Variants in UNKL observed in about 807,000 individuals in gnomAD.
The protein encoded by UNKL is unk like zinc finger.
In UNKL, 60 loss-of-function variants were observed where a neutral mutation model predicts 78.0. That is an observed-to-expected ratio of 0.77 (90% CI 0.63 to 0.95). UNKL has a LOEUF of 0.95. Ranked by LOEUF, UNKL falls within the 40% of genes least tolerant of loss-of-function variation. The pLI is 0.00. For synonymous variants in UNKL, 608 were observed against 474.8 expected, an observed-to-expected ratio of 1.28 and a Z score of -3.65; for missense variants, 1,159 against 1,045.7, an observed-to-expected ratio of 1.11 and a Z score of -1.49.
intron 9 of UNKL, 32 bp from the exon 10 acceptor site, chr16:1,385,417 A>AC: frequency 7.7e-7 from 1 of 1,304,822 alleles, no homozygotes; most frequent in Non-Finnish European, 9.8e-7. Context: ...GTGAGCGCGC[A>AC]CCCCCTGCGT....
intron 8 of UNKL, among the ~76,000 whole-genome samples, chr16:1,391,491 G>C (rs944960922): frequency 6.6e-6 from 1 of 152,096 alleles, no homozygotes; most frequent in East Asian, 1.9e-4. Flanking sequence ...TAGAGACAGG[G>C]TCTTGTTATG....
Position 1,409,720 on chromosome 16 carries a change from G to A in UNKL, c.287+4126C>T, listed in dbSNP as rs34694222. ...ACTACAGCACTGTCCATCCCTGTAA[G>A]AACTGGATACCACCCTGTGCCTAGC... On this transcript the variant is annotated intron_variant, in intron 2 of 14. Coordinates refer to ENST00000389221, the MANE Select transcript of UNKL (RefSeq NM_001372107.1). Among the ~76,000 whole-genome samples, 864 of 152,116 alleles carry A rather than the reference G, an allele frequency of 5.7e-3. 5 individuals carry two copies. The highest frequency in any genetic ancestry group is 8.9e-3 in the Non-Finnish European group (603 of 67,994).
At chr16:1,389,086 C>A (rs1170719753) in intron 9 of UNKL, among the ~76,000 whole-genome samples, 1 of 151,966 alleles carries the variant, frequency 6.6e-6, no homozygotes, top group Non-Finnish European at 1.5e-5. Flanking sequence ...CCCACCATGC[C>A]ACCTGCTGTC....
intron 10 of UNKL, among the ~76,000 whole-genome samples, chr16:1,371,978 C>T (rs530308694): frequency 5.3e-5 from 8 of 152,234 alleles, no homozygotes; most frequent in Middle Eastern, 3.4e-3. Context: ...TTTCCAGGGC[C>T]GGGTGCGGTG....
rs77430665 is a variant in UNKL, at chr16:1,394,344, G to A, written c.853-129C>T. ...ACAAGACACCCCTGAAAAGGGGGGC[G>A]TGGGCCCTGCCCTCCTCCACGTGTG... On this transcript the variant is annotated intron_variant, in intron 6 of 14. Transcript: ENST00000389221. The A allele has an allele frequency of 1.9e-3, 2,148 of 1,132,502 alleles. 36 individuals carry two copies. The African/African-American group carries it at 0.029, about 15-fold the overall frequency. The allele number at this position is 1,132,502 out of a possible 1,614,324, so 70.2% of individuals were successfully genotyped here.
chr16:1,370,833 C>T (rs1323333398), intron 11 of UNKL, among the ~76,000 whole-genome samples: 1 of 152,252 alleles, frequency 6.6e-6, no homozygotes, highest in Non-Finnish European at 1.5e-5. Flanking sequence ...CCTGTAATCC[C>T]AGCACTTTGG....
At chr16:1,407,495 G>A (rs528632970) in intron 2 of UNKL, among the ~76,000 whole-genome samples, 146 of 152,164 alleles carry the variant, frequency 9.6e-4, no homozygotes, top group Non-Finnish European at 1.9e-3. Flanking sequence ...GATTACTTGA[G>A]CCCAGGAGTT....
At chr16:1,385,466 C>G (rs921108494) in intron 9 of UNKL, 81 bp from the exon 10 acceptor site, 2 of 1,254,466 alleles carry the variant, frequency 1.6e-6, no homozygotes, top group African/African-American at 3.1e-5. Flanking sequence ...GCAGAAAGCA[C>G]CGCGGGACGG....
At chr16:1,412,602 T>G (rs990724497) in intron 2 of UNKL, among the ~76,000 whole-genome samples, 1 of 152,206 alleles carries the variant, frequency 6.6e-6, no homozygotes, top group Non-Finnish European at 1.5e-5. Context: ...AGAGCGAGAC[T>G]CAGTCTCGAT....
intron 12 of UNKL, among the ~76,000 whole-genome samples, chr16:1,369,055 G>GTTTTTTTTT (rs1218071522): frequency 1.1e-4 from 6 of 53,722 alleles, no homozygotes; most frequent in Non-Finnish European, 1.6e-4. Context: ...CAAAGTATTA[G>GTTTTTTTTT]TTTTTTTTTT....
At chr16:1,414,099 C>G in intron 1 of UNKL, 44 bp from the exon 2 acceptor site, 1 of 1,507,676 alleles carries the variant, frequency 6.6e-7, no homozygotes, top group Non-Finnish European at 8.9e-7. Context: ...GGCAGCACCT[C>G]CAGGGACTCG....
At chr16:1,385,440 G>A (rs1424529899) in intron 9 of UNKL, 55 bp from the exon 10 acceptor site, 8 of 1,281,282 alleles carry the variant, frequency 6.2e-6, no homozygotes, top group Admixed American at 4.2e-5. Context: ...AGGAGGCAGC[G>A]CCACGTCGGC....
intron 9 of UNKL, among the ~76,000 whole-genome samples, chr16:1,386,542 ACT>A (rs2036819415): frequency 6.6e-6 from 1 of 151,914 alleles, no homozygotes; most frequent in Non-Finnish European, 1.5e-5. Flanking sequence ...CAACAGAGAG[ACT>A]CTGTTTCCAA....
intron 2 of UNKL, among the ~76,000 whole-genome samples, chr16:1,410,093 G>C (rs1434306075): frequency 6.6e-6 from 1 of 151,940 alleles, no homozygotes; most frequent in Admixed American, 6.6e-5. Flanking sequence ...TCCAAAAAAA[G>C]AAACAGTTAT....
rs193075543 is a variant in UNKL, at chr16:1,385,292, T to C, written c.1180A>G (p.Ser394Gly). 6.7e-3 allele frequency: 9,162 copies of C among 1,372,586 alleles called. 38 individuals are homozygous for C. The highest frequency in any genetic ancestry group is 7.9e-3 in the Non-Finnish European group (8,402 of 1,068,502). 85.0% of individuals were successfully genotyped at this position (1,372,586 alleles called of 1,614,324 possible). ...GCGGGCAGCGCAGTGGGGGAGGAGC[T>C]GCCGGAGCCGGCGCTGGACGCCAGG... Reference protein sequence around the residue: ...SSLASSAGSGSSSPTALPAPP... With the variant: ...SSLASSAGSGGSSPTALPAPP... The change falls in exon 10 of 15, where the codon AGC becomes GGC. Residue 394 changes from serine (S) to glycine (G), a missense_variant. Ser to Gly is a moderately conservative substitution (Grantham distance 56, BLOSUM62 0). Transcript: ENST00000389221.
chr16:1,396,442 A>G (rs1468607499), intron 6 of UNKL, among the ~76,000 whole-genome samples: 1 of 147,886 alleles, frequency 6.8e-6, no homozygotes, highest in Non-Finnish European at 1.5e-5. Flanking sequence ...GCGCACCACC[A>G]CACCCAGCTA....
chr16:1,400,673 T>C (rs1427696020), intron 4 of UNKL, among the ~76,000 whole-genome samples: 1 of 151,814 alleles, frequency 6.6e-6, no homozygotes, highest in African/African-American at 2.4e-5. Context: ...AATGGTGCAT[T>C]TTATGTTGTG....
intron 2 of UNKL, among the ~76,000 whole-genome samples, chr16:1,410,476 A>G (rs959916267): frequency 1.3e-5 from 2 of 151,760 alleles, no homozygotes; most frequent in Non-Finnish European, 2.9e-5. Context: ...GCGTGGTGGC[A>G]CATGCCTGTA....
intron 2 of UNKL, chr16:1,406,096 G>T (rs770773338): frequency 2.6e-5 from 12 of 456,262 alleles, no homozygotes; most frequent in South Asian, 1.9e-4. Context: ...GAGACAGGCA[G>T]TGTACACGAC....
Sources: gnomAD v4.1 joint callset for allele counts (sites outside exome capture counted in the v4.1 genomes callset) on GRCh38, gnomAD v4.1.1 for gene constraint, MANE v1.5 for transcripts, NCBI Gene and HGNC (gene_info 2026-07-23, HGNC 2026-07-21) for gene names.